The following CDH18 variants were observed in gnomAD, a reference collection of about 807,000 sequenced individuals.
The protein encoded by CDH18 is cadherin-18.
Under a neutral mutation model 67.9 loss-of-function variants are expected in CDH18, and 31 were observed. That is an observed-to-expected ratio of 0.46 (90% confidence interval 0.34 to 0.62). CDH18 has a LOEUF of 0.62. CDH18 is among the 20% of genes least tolerant of loss of function. The probability of loss-of-function intolerance (pLI) is 0.01; values close to 1 mark genes in which losing one functional copy is unlikely to be tolerated. For synonymous variants in CDH18, 362 were observed against 347.2 expected, an observed-to-expected ratio of 1.04 and a Z score of -0.48; for missense variants, 890 against 975.5, an observed-to-expected ratio of 0.91 and a Z score of 1.17.
intron 2 of CDH18, among the ~76,000 whole-genome samples, chr5:20,030,652 G>C (rs950370906): frequency 3.3e-5 from 5 of 152,078 alleles, no homozygotes; most frequent in Non-Finnish European, 7.4e-5. Context: ...TATCAGTTAA[G>C]GACATAAAGA....
In CDH18 at chr5:19,721,360, G is replaced by A. The variant is rs1310964648; in HGVS notation, c.630C>T (p.Val210=). 5.0e-6 allele frequency: 8 copies of A among 1,602,814 alleles called. No individual in the cohort carries two copies. Among genetic ancestry groups the A allele is most frequent in the South Asian group, 3.3e-5 (3 of 89,758 alleles). Residue 210 remains valine, a synonymous_variant, in exon 5 of 13, where the codon GTC becomes GTT. Transcript: ENST00000382275. ...SILQGQPYFS[V]DPKTGVIRTA... is the part of the protein sequence containing the mutation. ...AAATGCACTAACCTGTTTTAGGGTC[G>A]ACGGAGAAGTAGGGTTGTCCTTGGA...
chr5:20,158,036 T>C (rs1040894310), intron 2 of CDH18, among the ~76,000 whole-genome samples: 1 of 152,208 alleles, frequency 6.6e-6, no homozygotes, highest in Non-Finnish European at 1.5e-5. Flanking sequence ...AGCTCAGACA[T>C]AGGGAAGAAC....
chr5:19,798,780 T>C (rs191870616), intron 3 of CDH18, among the ~76,000 whole-genome samples: 2 of 152,188 alleles, frequency 1.3e-5, no homozygotes, highest in African/African-American at 2.4e-5. Context: ...TTGATTAAAA[T>C]ATATTACTGG....
Position 20,460,846 on chromosome 5 carries a change from A to G in CDH18, c.-580+114616T>C, listed in dbSNP as rs138961761. ...CGATACAAATGTCTGCTAAATCTCA[A>G]CCAGATTTATCAAACTTGTCTGTAT... On this transcript the variant is annotated intron_variant, in intron 1 of 14. Coordinates refer to the CDH18 transcript ENST00000507958. Among the ~76,000 whole-genome samples the G allele has an allele frequency of 3.7e-4, 56 of 152,284 alleles. No individual in the cohort carries two copies. In the East Asian group the frequency reaches 0.01, roughly 28 times the overall value.
intron 2 of CDH18, among the ~76,000 whole-genome samples, chr5:20,018,863 C>G (rs1466657819): frequency 1.4e-5 from 2 of 141,466 alleles, no homozygotes; most frequent in African/African-American, 5.5e-5. Context: ...GGCGCGATCT[C>G]GACTCACTGC....
intron 12 of CDH18, among the ~76,000 whole-genome samples, chr5:19,474,056 T>A (rs1579650602): frequency 6.6e-6 from 1 of 152,162 alleles, no homozygotes; most frequent in Middle Eastern, 3.4e-3. Context: ...GATGAAAAAA[T>A]AATATGAAAT....
chr5:20,197,733 G>T (rs1028522948), intron 2 of CDH18, among the ~76,000 whole-genome samples: 3 of 152,158 alleles, frequency 2.0e-5, no homozygotes, highest in African/African-American at 7.2e-5. Context: ...GTGTTACATT[G>T]TAAGGTAAAA....
intron 8 of CDH18, among the ~76,000 whole-genome samples, chr5:19,545,064 T>C (rs1480064215): frequency 2.0e-5 from 3 of 152,188 alleles, no homozygotes; most frequent in African/African-American, 7.2e-5. Context: ...ATTAAACAAT[T>C]ATCATATGTT....
chr5:19,897,805 T>C (rs1789514888), intron 2 of CDH18, among the ~76,000 whole-genome samples: 1 of 152,090 alleles, frequency 6.6e-6, no homozygotes, highest in Non-Finnish European at 1.5e-5. Context: ...GAGTCCATAG[T>C]GAACAAGACT....
At chr5:20,303,287 T>A (rs1211761831) in intron 1 of CDH18, among the ~76,000 whole-genome samples, 2 of 152,130 alleles carry the variant, frequency 1.3e-5, no homozygotes, top group African/African-American at 2.4e-5. Flanking sequence ...GCTACCAAAT[T>A]TGTGCTTTTA....
intron 8 of CDH18, among the ~76,000 whole-genome samples, chr5:19,570,780 C>T (rs1263914035): frequency 6.6e-6 from 1 of 152,136 alleles, no homozygotes; most frequent in Non-Finnish European, 1.5e-5. Context: ...ATGTACTAAA[C>T]TAATACAAGT....
intron 2 of CDH18, among the ~76,000 whole-genome samples, chr5:20,241,858 A>AT (rs1742932022): frequency 1.4e-5 from 1 of 72,322 alleles, no homozygotes; most frequent in Non-Finnish European, 2.6e-5. Flanking sequence ...TCGCAAAAAA[A>AT]AAAAAAATAA....
chr5:20,466,301 T>G (rs1302459181), intron 1 of CDH18, among the ~76,000 whole-genome samples: 1 of 152,058 alleles, frequency 6.6e-6, no homozygotes, highest in Non-Finnish European at 1.5e-5. Flanking sequence ...AACTGACTTA[T>G]TAGGCCATGA....
chr5:19,669,624 A>G (rs1165111909), intron 5 of CDH18, among the ~76,000 whole-genome samples: 8 of 152,112 alleles, frequency 5.3e-5, no homozygotes, highest in Admixed American at 3.9e-4. Flanking sequence ...TTGCCTGAGA[A>G]AGAAGAGAGG....
intron 1 of CDH18, among the ~76,000 whole-genome samples, chr5:20,458,948 CAT>C (rs1414186384): frequency 6.6e-6 from 1 of 152,104 alleles, no homozygotes; most frequent in Non-Finnish European, 1.5e-5. Flanking sequence ...GAATATTCCA[CAT>C]AGTTCTTTAC....
At chr5:20,414,822 C>T (rs2150149380) in intron 1 of CDH18, among the ~76,000 whole-genome samples, 1 of 152,180 alleles carries the variant, frequency 6.6e-6, no homozygotes, top group East Asian at 1.9e-4. Context: ...ACAGCAATAG[C>T]AACCACAGCA....
At chr5:19,733,750 G>A (rs776711949) in intron 4 of CDH18, among the ~76,000 whole-genome samples, 9 of 152,110 alleles carry the variant, frequency 5.9e-5, no homozygotes, top group African/African-American at 1.2e-4. Context: ...CTGCTAACAC[G>A]CCTCTTTCCA....
intron 2 of CDH18, among the ~76,000 whole-genome samples, chr5:20,200,205 G>C (rs1455971796): frequency 6.6e-6 from 1 of 152,130 alleles, no homozygotes; most frequent in East Asian, 1.9e-4. Flanking sequence ...TTAATGATAA[G>C]AATAAAAGAG....
chr5:19,810,848 C>A (rs1225240868), intron 3 of CDH18, among the ~76,000 whole-genome samples: 1 of 151,770 alleles, frequency 6.6e-6, no homozygotes, highest in Non-Finnish European at 1.5e-5. Context: ...ACTGGTGAAA[C>A]CTCGTCTCCA....
Sources: allele counts gnomAD v4.1 joint callset (sites outside exome capture counted in the v4.1 genomes callset), GRCh38; gene constraint gnomAD v4.1.1; transcripts MANE v1.5; gene names NCBI Gene and HGNC (gene_info 2026-07-23, HGNC 2026-07-21).